The following ME1 variants were observed in gnomAD, a reference collection of about 807,000 sequenced individuals.
ME1 encodes the protein NADP-dependent malic enzyme.
ME1 carries 74 observed loss-of-function variants against 66.4 expected under a neutral mutation model. The ratio of observed to expected loss-of-function variants is 1.11; its 90% CI spans 0.92 to 1.35. The LOEUF is 1.35. Ranked by LOEUF, ME1 falls within the 40% of genes most tolerant of loss-of-function variation. ME1 has a pLI of 0.00. For synonymous variants in ME1, 251 were observed against 235.6 expected, an observed-to-expected ratio of 1.07 and a Z score of -0.60; for missense variants, 750 against 694.1, an observed-to-expected ratio of 1.08 and a Z score of -0.90.
At chr6:83,288,709 G>T (rs898362082) in intron 6 of ME1, among the ~76,000 whole-genome samples, 1 of 152,312 alleles carries the variant, frequency 6.6e-6, no homozygotes, top group Middle Eastern at 3.4e-3. Flanking sequence ...GTGGCAGCTT[G>T]ATGGGGATAG....
chr6:83,235,226 C>T (rs1355080383), intron 9 of ME1, among the ~76,000 whole-genome samples: 2 of 152,152 alleles, frequency 1.3e-5, no homozygotes, highest in Admixed American at 6.5e-5. Context: ...CACCTTGACA[C>T]CATGAACATA....
Position 83,237,536 on chromosome 6 carries a change from TAA to T in ME1, c.1026+179_1026+180del, listed in dbSNP as rs558185463. Among the ~76,000 whole-genome samples, 492 of 152,320 alleles carry T rather than the reference TAA, an allele frequency of 3.2e-3. 2 individuals carry two copies. Among genetic ancestry groups the T allele is most frequent in the African/African-American group, 0.011 (449 of 41,576 alleles). Reference sequence around the variant, plus strand: ...TCACATTGCAGATGGAATCTGTTCCTAAGTCATAGTTTTCTTTATTCAGAAGA... The same window carrying T: ...TCACATTGCAGATGGAATCTGTTCCTGTCATAGTTTTCTTTATTCAGAAGA... On this transcript the variant is annotated intron_variant, in intron 9 of 13. Transcript: ENST00000369705.
At position 83,284,959 on chromosome 6, in the gene ME1, A is replaced by G. The variant is rs548715467; in HGVS notation, c.704+30351T>C. Among the ~76,000 whole-genome samples the G allele has an allele frequency of 6.6e-5, 10 of 152,296 alleles. No individual in the cohort carries two copies. The East Asian group carries it at 1.4e-3, about 21-fold the overall frequency. ...TATATTTATCACATTTAAAAATCCAATCATCTGTTGATGGACACTTAGATT... is the reference window on the plus strand; with the variant it reads ...TATATTTATCACATTTAAAAATCCAGTCATCTGTTGATGGACACTTAGATT... On this transcript the variant is annotated intron_variant, in intron 6 of 13. Coordinates refer to ENST00000369705, the MANE Select transcript of ME1 (RefSeq NM_002395.6).
chr6:83,270,638 A>G (rs889423200), intron 6 of ME1, among the ~76,000 whole-genome samples: 6 of 152,138 alleles, frequency 3.9e-5, no homozygotes, highest in African/African-American at 1.2e-4. Context: ...GCAAAGCAAA[A>G]CAGAGGGGTT....
chr6:83,333,606 T>C (rs1768459370), intron 5 of ME1, among the ~76,000 whole-genome samples: 1 of 152,226 alleles, frequency 6.6e-6, no homozygotes, highest in East Asian at 1.9e-4. Context: ...CTAACATATT[T>C]TGAACTCCAA....
intron 3 of ME1, among the ~76,000 whole-genome samples, chr6:83,387,081 G>T (rs1050208005): frequency 6.6e-6 from 1 of 152,118 alleles, no homozygotes; most frequent in Non-Finnish European, 1.5e-5. Flanking sequence ...AAAACTGGCT[G>T]TGAAACCATG....
At chr6:83,396,431 T>C (rs1008541622) in intron 3 of ME1, among the ~76,000 whole-genome samples, 2 of 152,100 alleles carry the variant, frequency 1.3e-5, no homozygotes, top group Admixed American at 1.3e-4. Flanking sequence ...AGGTGAAATA[T>C]CTGTATGTGG....
chr6:83,258,963 A>G (rs1766832792), intron 6 of ME1, among the ~76,000 whole-genome samples: 1 of 152,222 alleles, frequency 6.6e-6, no homozygotes. Flanking sequence ...ATTAATAGCA[A>G]AACAGTATTT....
intron 13 of ME1, among the ~76,000 whole-genome samples, chr6:83,216,135 C>G (rs1789989035): frequency 6.6e-6 from 1 of 152,104 alleles, no homozygotes. Flanking sequence ...AAATGTTACT[C>G]TAACATATCT....
rs543458600 is a variant in ME1, at chr6:83,393,777, A to G, written c.362+4590T>C. Among the ~76,000 whole-genome samples, 4 of 152,304 alleles carry G rather than the reference A, an allele frequency of 2.6e-5. No homozygotes were observed. The South Asian group carries it at 8.3e-4, about 32-fold the overall frequency. On this transcript the variant is annotated intron_variant, in intron 3 of 13. Transcript: ENST00000369705. ...AACAGCTTTTTATTATGCTTGTATTAAGATTCTTTATATAGAAATATATTT... is the reference window on the plus strand; with the variant it reads ...AACAGCTTTTTATTATGCTTGTATTGAGATTCTTTATATAGAAATATATTT...
intron 8 of ME1, among the ~76,000 whole-genome samples, chr6:83,238,857 T>C (rs1301616620): frequency 6.7e-6 from 1 of 148,730 alleles, no homozygotes; most frequent in African/African-American, 2.4e-5. Flanking sequence ...CATTCTATAA[T>C]TCTAAAGAGA....
rs1049867424 is a variant in ME1 at position 83,326,546 on chromosome 6, C to A, written c.601-11133G>T. On this transcript the variant is annotated intron_variant, in intron 5 of 13. Transcript: ENST00000369705. ...AGGAACTTAAATTTACAAGAAAAAA[C>A]CAAAACACTCCATCAGAAAGTGGGC... Among the ~76,000 whole-genome samples the A allele has an allele frequency of 2.3e-4, 31 of 136,006 alleles. 1 individual carries two copies. Among genetic ancestry groups the A allele is most frequent in the South Asian group, 1.4e-3 (6 of 4,214 alleles). The allele number at this position is 136,006 out of a possible 152,430, so 89.2% of individuals were successfully genotyped here. A position where few individuals can be genotyped will look rare whatever the true frequency, so the allele number is the denominator to read the frequency against.
Position 83,349,015 on chromosome 6 carries a change from A to AAAAC in ME1, c.439-2682_439-2681insGTTT, listed in dbSNP as rs746037012. 3.8e-3 allele frequency among the ~76,000 whole-genome samples: 471 copies of AAAAC among 123,996 alleles called. 38 individuals carry two copies. Among genetic ancestry groups the AAAAC allele is most frequent in the East Asian group, 0.03 (128 of 4,228 alleles). The allele number at this position is 123,996 out of a possible 152,430, so 81.3% of individuals were successfully genotyped here. ...AAAAAAAAAAAACAAAAAACAAAAAACAGTGCATTCTTTCTTATTTCTTCA... is the reference window on the plus strand; with the variant it reads ...AAAAAAAAAAAACAAAAAACAAAAAAAAACCAGTGCATTCTTTCTTATTTCTTCA... On this transcript the variant is annotated intron_variant, in intron 4 of 13. Coordinates refer to ENST00000369705, the MANE Select transcript of ME1 (RefSeq NM_002395.6).
At chr6:83,259,983 T>C (rs1766855154) in intron 6 of ME1, among the ~76,000 whole-genome samples, 1 of 152,200 alleles carries the variant, frequency 6.6e-6, no homozygotes, top group African/African-American at 2.4e-5. Flanking sequence ...TCTCTGCTGC[T>C]GATCTTTCAA....
intron 7 of ME1, among the ~76,000 whole-genome samples, chr6:83,246,226 A>G (rs1450782901): frequency 6.6e-6 from 1 of 152,146 alleles, no homozygotes; most frequent in Non-Finnish European, 1.5e-5. Flanking sequence ...TATATTAGGT[A>G]TTTTTGATAT....
chr6:83,417,068 T>C (rs1013071267), intron 1 of ME1, among the ~76,000 whole-genome samples: 1 of 152,166 alleles, frequency 6.6e-6, no homozygotes, highest in African/African-American at 2.4e-5. Context: ...TTTGTTTTGC[T>C]TTGTTTAGAG....
Position 83,311,302 on chromosome 6 carries a change from T to C in ME1, c.704+4008A>G, listed in dbSNP as rs937165536. On this transcript the variant is annotated intron_variant, in intron 6 of 13. Transcript: ENST00000369705. ...TGTAGAATTAAATTCTGAGGGTGTT[T>C]GATTAAAAGGGCTGGAACCTAGGAA... Among the ~76,000 whole-genome samples, 3 of 152,136 alleles carry C rather than the reference T, an allele frequency of 2.0e-5. No homozygotes were observed. The South Asian group carries it at 6.2e-4, about 31-fold the overall frequency.
intron 5 of ME1, among the ~76,000 whole-genome samples, chr6:83,339,889 G>A (rs1426819490): frequency 7.5e-6 from 1 of 133,940 alleles, no homozygotes; most frequent in African/African-American, 2.8e-5. Flanking sequence ...GTTAGTGGGT[G>A]CAGCGCACCA....
chr6:83,323,263 C>G (rs1768215708), intron 5 of ME1, among the ~76,000 whole-genome samples: 3 of 152,090 alleles, frequency 2.0e-5, no homozygotes, highest in African/African-American at 7.2e-5. Context: ...GCAAAATAAC[C>G]AGCTAGCATA....
Sources: gnomAD v4.1 joint callset for allele counts (sites outside exome capture counted in the v4.1 genomes callset) on GRCh38, gnomAD v4.1.1 for gene constraint, MANE v1.5 for transcripts, NCBI Gene and HGNC (gene_info 2026-07-23, HGNC 2026-07-21) for gene names.